AFG2A: variants seen among roughly 807,000 people sequenced by gnomAD.
AFG2A encodes the protein ATPase family gene 2 protein homolog A.
the AFG2A span, among the ~76,000 whole-genome samples, chr4:123,147,063 T>C: frequency 6.6e-6 from 1 of 152,218 alleles, no homozygotes; most frequent in African/African-American, 2.4e-5. Flanking sequence ...GATCTTATTT[T>C]ATATTATATA....
At chr4:122,927,385 G>T in the AFG2A span, among the ~76,000 whole-genome samples, 5 of 152,196 alleles carry the variant, frequency 3.3e-5, no homozygotes, top group Middle Eastern at 3.4e-3. Flanking sequence ...CAGAAAAAAA[G>T]AAACCAATAC....
chr4:123,268,920 T>G, the AFG2A span, among the ~76,000 whole-genome samples: 1 of 152,226 alleles, frequency 6.6e-6, no homozygotes, highest in Non-Finnish European at 1.5e-5. Context: ...AAATTCATTC[T>G]TATCAAGTTG....
the AFG2A span, among the ~76,000 whole-genome samples, chr4:122,955,304 GC>G: frequency 6.6e-6 from 1 of 152,048 alleles, no homozygotes; most frequent in Non-Finnish European, 1.5e-5. Context: ...AGGTGCATTT[GC>G]CATACACCCA....
the AFG2A span, among the ~76,000 whole-genome samples, chr4:123,060,474 C>T: frequency 1.3e-5 from 2 of 152,196 alleles, no homozygotes; most frequent in African/African-American, 4.8e-5. Flanking sequence ...TCTGCACAAC[C>T]GCAGGCTCAA....
the AFG2A span, among the ~76,000 whole-genome samples, chr4:123,155,084 A>G: frequency 6.7e-6 from 1 of 150,306 alleles, no homozygotes; most frequent in African/African-American, 2.5e-5. Flanking sequence ...ATTTCTGTTT[A>G]TTTGTTTGTT....
chr4:123,190,070 G>C, the AFG2A span, among the ~76,000 whole-genome samples: 1 of 152,014 alleles, frequency 6.6e-6, no homozygotes, highest in African/African-American at 2.4e-5. Context: ...AAAGTGCTGG[G>C]ATTACAGGTG....
the AFG2A span, among the ~76,000 whole-genome samples, chr4:123,163,806 C>T: frequency 6.6e-6 from 1 of 152,136 alleles, no homozygotes; most frequent in Non-Finnish European, 1.5e-5. Flanking sequence ...AGGACAGAGA[C>T]CCATCTCTTG....
At chr4:123,207,238 CT>C in the AFG2A span, among the ~76,000 whole-genome samples, 1 of 148,966 alleles carries the variant, frequency 6.7e-6, no homozygotes, top group Non-Finnish European at 1.5e-5. Flanking sequence ...TCTGGCCATC[CT>C]TTTTCATAGG....
chr4:123,040,107 T>C, the AFG2A span, among the ~76,000 whole-genome samples: 16 of 152,310 alleles, frequency 1.1e-4, no homozygotes, highest in African/African-American at 2.9e-4. Context: ...GGTAAGAGTT[T>C]CTGTAGGGTA....
At chr4:122,996,852 A>G in the AFG2A span, among the ~76,000 whole-genome samples, 1 of 152,172 alleles carries the variant, frequency 6.6e-6, no homozygotes, top group Non-Finnish European at 1.5e-5. Flanking sequence ...CAAAGGCTGG[A>G]GAACGTAGAG....
chr4:123,021,261 T>C, the AFG2A span, among the ~76,000 whole-genome samples: 1 of 152,012 alleles, frequency 6.6e-6, no homozygotes, highest in Non-Finnish European at 1.5e-5. Context: ...CTTTGAGCTT[T>C]TTTTTTTTCT....
the AFG2A span, among the ~76,000 whole-genome samples, chr4:122,981,817 G>A: frequency 3.3e-5 from 5 of 151,404 alleles, no homozygotes; most frequent in African/African-American, 1.2e-4. Context: ...AGTTGTTAGA[G>A]TATAGAAATG....
the AFG2A span, among the ~76,000 whole-genome samples, chr4:123,036,960 C>T: frequency 4.6e-4 from 70 of 152,142 alleles, no homozygotes; most frequent in African/African-American, 1.6e-3. Context: ...AGTTCCTTTA[C>T]TCACATTACA....
At chr4:123,204,718 A>T in the AFG2A span, among the ~76,000 whole-genome samples, 1 of 152,156 alleles carries the variant, frequency 6.6e-6, no homozygotes, top group African/African-American at 2.4e-5. Context: ...TGAATATCTC[A>T]TAGGGTTTTA....
the AFG2A span, among the ~76,000 whole-genome samples, chr4:123,175,719 G>T: frequency 6.6e-6 from 1 of 152,336 alleles, no homozygotes; most frequent in Admixed American, 6.5e-5. Context: ...GTTTCTGGTA[G>T]TGTGGGGTTG....
the AFG2A span, among the ~76,000 whole-genome samples, chr4:123,285,402 A>AT: frequency 1.5e-3 from 221 of 151,422 alleles, no homozygotes; most frequent in Middle Eastern, 0.014. Flanking sequence ...TTCCCTTCTC[A>AT]TTTTTTCTCA....
the AFG2A span, among the ~76,000 whole-genome samples, chr4:123,197,770 A>AAAATAAATAAATAAAT: frequency 5.6e-4 from 84 of 149,512 alleles, no homozygotes; most frequent in African/African-American, 1.9e-3. Context: ...TCCATCTCAA[A>AAAATAAATAAATAAAT]AAATAAATAA....
At chr4:123,059,544 T>A in the AFG2A span, among the ~76,000 whole-genome samples, 2,997 of 150,330 alleles carry the variant, frequency 0.02, 49 homozygotes, top group Non-Finnish European at 0.034. Context: ...TTCTTAATCC[T>A]GTCTATCATT....
chr4:123,055,914 A>G, the AFG2A span, among the ~76,000 whole-genome samples: 1 of 152,218 alleles, frequency 6.6e-6, no homozygotes, highest in Non-Finnish European at 1.5e-5. Context: ...TAAAAAAGAA[A>G]GTCTGCTGTG....
Sources: gnomAD v4.1 joint callset for allele counts (sites outside exome capture counted in the v4.1 genomes callset) on GRCh38, gnomAD v4.1.1 for gene constraint, MANE v1.5 for transcripts, NCBI Gene and HGNC (gene_info 2026-07-23, HGNC 2026-07-21) for gene names.